The following OTUD5 variants were observed in gnomAD, a reference collection of about 807,000 sequenced individuals.
OTUD5 encodes OTU domain-containing protein 5.
Under a neutral mutation model 36.3 loss-of-function variants are expected in OTUD5, and 2 were observed. The observed-to-expected ratio is 0.06, with a 90% CI of 0.02 to 0.17. The LOEUF is 0.17. Among genes scored for constraint, OTUD5 ranks in the 10% least tolerant of loss-of-function variants. The probability of loss-of-function intolerance (pLI) is 1.00; values close to 1 mark genes in which losing one functional copy is unlikely to be tolerated. For synonymous variants in OTUD5, 234 were observed against 214.9 expected, an observed-to-expected ratio of 1.09 and a Z score of -0.78; for missense variants, 233 against 512.3, an observed-to-expected ratio of 0.45 and a Z score of 5.26.
At chrX:48,926,775 G>T (rs2063673302) in intron 5 of OTUD5, among the ~76,000 whole-genome samples, 1 of 111,391 alleles carries the variant, frequency 9.0e-6, no homozygotes, top group Non-Finnish European at 1.9e-5. Flanking sequence ...GGTGGAGGGA[G>T]TATTCAAGCA....
At chrX:48,946,290 G>A (rs781875379) in intron 1 of OTUD5, among the ~76,000 whole-genome samples, 1 of 112,077 alleles carries the variant, frequency 8.9e-6, no homozygotes, top group African/African-American at 3.2e-5. Context: ...TTGATCTACC[G>A]GACAGAGCTG....
At chrX:48,939,745 T>C (rs1342568448) in intron 2 of OTUD5, among the ~76,000 whole-genome samples, 2 of 112,219 alleles carry the variant, frequency 1.8e-5, no homozygotes, top group East Asian at 5.6e-4. Context: ...CCGGGGGAAG[T>C]CCTTATGTAA....
chrX:48,953,296 C>T (rs1410143096), intron 1 of OTUD5, among the ~76,000 whole-genome samples: 1 of 111,609 alleles, frequency 9.0e-6, no homozygotes, highest in African/African-American at 3.3e-5. Context: ...CCCTGAGCCT[C>T]ACACAAAACA....
At chrX:48,930,930 C>G (rs12388598) in intron 5 of OTUD5, among the ~76,000 whole-genome samples, 237 of 108,351 alleles carry the variant, frequency 2.2e-3, no homozygotes, top group African/African-American at 7.7e-3. Context: ...CCCTTACACT[C>G]CAGCCTGGGC....
chrX:48,935,023 G>A lies in OTUD5; in HGVS notation c.689-5C>T, dbSNP rs782797080. 2.5e-6 allele frequency: 3 copies of A among 1,206,009 alleles called. No homozygotes were observed. Among genetic ancestry groups the A allele is most frequent in the Non-Finnish European group, 3.4e-6 (3 of 891,161 alleles). ...GGTCTCCATACACCTGGTCAGCTGT[G>A]GGGGCAGAAGAAAGCAGCAGCTAGG... On this transcript the variant is annotated splice_polypyrimidine_tract_variant and splice_region_variant and intron_variant, in intron 2 of 8. Coordinates refer to ENST00000376488, the MANE Select transcript of OTUD5 (RefSeq NM_001136157.2).
chrX:48,944,377 C>G lies in OTUD5; in HGVS notation c.595-94G>C, dbSNP rs782705702. 40 of 544,353 alleles carry G rather than the reference C, an allele frequency of 7.3e-5. No individual in the cohort carries two copies. The South Asian group carries it at 1.0e-3, about 14-fold the overall frequency. 44.9% of individuals were successfully genotyped at this position (544,353 alleles called of 1,213,427 possible). A position where few individuals can be genotyped will look rare whatever the true frequency, so the allele number is the denominator to read the frequency against. ...GCTCCCGAGAGGCCTAGATCATTGA[C>G]AGAGAGGACGCTGGCCAAGGTAAAG... On this transcript the variant is annotated intron_variant, in intron 1 of 8. Coordinates refer to ENST00000376488, the MANE Select transcript of OTUD5 (RefSeq NM_001136157.2).
chrX:48,927,210 T>G (rs1313349447), intron 5 of OTUD5, among the ~76,000 whole-genome samples: 2 of 111,671 alleles, frequency 1.8e-5, no homozygotes, highest in Non-Finnish European at 3.8e-5. Flanking sequence ...ACACTCCAAG[T>G]GTTTTTTCTA....
At chrX:48,942,261 AC>A (rs2063942663) in intron 2 of OTUD5, among the ~76,000 whole-genome samples, 1 of 96,771 alleles carries the variant, frequency 1.0e-5, no homozygotes. Flanking sequence ...ACACACACAC[AC>A]ACACACACAC....
At chrX:48,939,946 G>A (rs2063892980) in intron 2 of OTUD5, 1 of 113,730 alleles carries the variant, frequency 8.8e-6, no homozygotes, top group Admixed American at 9.3e-5. Context: ...GAAGCTAGGT[G>A]TCTACAGGGA....
At chrX:48,952,613 A>T (rs1317137880) in intron 1 of OTUD5, among the ~76,000 whole-genome samples, 1 of 112,187 alleles carries the variant, frequency 8.9e-6, no homozygotes, top group African/African-American at 3.2e-5. Context: ...GGGTGAGGGG[A>T]GTGGGAGCAG....
At chrX:48,927,995 T>C (rs1188798451) in intron 5 of OTUD5, among the ~76,000 whole-genome samples, 14 of 112,716 alleles carry the variant, frequency 1.2e-4, no homozygotes, top group African/African-American at 4.2e-4. Flanking sequence ...AAAGAAGCTA[T>C]ACAGATGGCA....
intron 1 of OTUD5, among the ~76,000 whole-genome samples, chrX:48,955,191 G>A (rs73494028): frequency 0.018 from 1,964 of 111,638 alleles, 50 homozygotes; most frequent in African/African-American, 0.06. Context: ...CCAAGTCCCC[G>A]AGGCAGGAAG....
At chrX:48,951,536 AC>A (rs1557053914) in intron 1 of OTUD5, among the ~76,000 whole-genome samples, 1 of 111,202 alleles carries the variant, frequency 9.0e-6, no homozygotes, top group Non-Finnish European at 1.9e-5. Flanking sequence ...AATGGTGTGA[AC>A]CTGGGAGGTG....
At chrX:48,937,665 T>C (rs1168543800) in intron 2 of OTUD5, among the ~76,000 whole-genome samples, 1 of 112,483 alleles carries the variant, frequency 8.9e-6, no homozygotes, top group Non-Finnish European at 1.9e-5. Context: ...TTAACCTCTC[T>C]AAGCTGAAAT....
intron 1 of OTUD5, among the ~76,000 whole-genome samples, chrX:48,956,501 C>T (rs1363887533): frequency 9.0e-6 from 1 of 111,539 alleles, no homozygotes; most frequent in African/African-American, 3.3e-5. Context: ...GCTTAGGCTC[C>T]TTGGGGATGT....
intron 1 of OTUD5, among the ~76,000 whole-genome samples, chrX:48,949,112 G>A (rs2064085059): frequency 8.9e-6 from 1 of 111,958 alleles, no homozygotes; most frequent in South Asian, 3.7e-4. Flanking sequence ...AAATATTACA[G>A]GGCTTTGCCC....
chrX:48,930,593 G>T (rs781945799), intron 5 of OTUD5, among the ~76,000 whole-genome samples: 1 of 112,062 alleles, frequency 8.9e-6, no homozygotes, highest in East Asian at 2.8e-4. Flanking sequence ...ACCTGATATC[G>T]AAGAGCACAT....
At chrX:48,941,190 T>A (rs1336654304) in intron 2 of OTUD5, among the ~76,000 whole-genome samples, 2 of 110,781 alleles carry the variant, frequency 1.8e-5, no homozygotes, top group African/African-American at 6.6e-5. Context: ...CCCAACACTT[T>A]GGGAGGCCAA....
intron 6 of OTUD5, 22 bp from the exon 7 acceptor site, chrX:48,924,074 C>T (rs1409275372): frequency 4.3e-6 from 5 of 1,165,930 alleles, no homozygotes; most frequent in Admixed American, 2.4e-5. Context: ...AAGGTAAATG[C>T]GTTAAGGACC....
Sources: allele counts gnomAD v4.1 joint callset (sites outside exome capture counted in the v4.1 genomes callset), GRCh38; gene constraint gnomAD v4.1.1; transcripts MANE v1.5; gene names NCBI Gene and HGNC (gene_info 2026-07-23, HGNC 2026-07-21).